RGS22: variants seen among roughly 807,000 people sequenced by gnomAD.
RGS22 encodes the protein regulator of G protein signaling 22.
Under a neutral mutation model 172.9 loss-of-function variants are expected in RGS22, and 148 were observed. That is an observed-to-expected ratio of 0.86 (90% confidence interval 0.75 to 0.98). RGS22 has a LOEUF of 0.98. RGS22 is among the 50% of genes least tolerant of loss of function. The pLI is 0.00. For synonymous variants in RGS22, 458 were observed against 480.2 expected, an observed-to-expected ratio of 0.95 and a Z score of 0.60; for missense variants, 1,347 against 1,440.8, an observed-to-expected ratio of 0.93 and a Z score of 1.05.
chr8:100,052,686 T>C (rs930876647), intron 10 of RGS22, 116 bp downstream of exon 10: 1 of 962,760 alleles, frequency 1.0e-6, no homozygotes, highest in Non-Finnish European at 1.6e-6. Flanking sequence ...TTGCAGCTTG[T>C]ACATTAGCAA....
At chr8:100,036,116 A>T (rs915079870) in intron 14 of RGS22, among the ~76,000 whole-genome samples, 6 of 151,358 alleles carry the variant, frequency 4.0e-5, no homozygotes, top group African/African-American at 1.5e-4. Flanking sequence ...TAACAATTTT[A>T]AAAAAGAAAA....
intron 3 of RGS22, chr8:100,093,160 T>C (rs55967319): frequency 0.017 from 4,220 of 252,856 alleles, 186 homozygotes; most frequent in African/African-American, 0.088. Context: ...CAACACAATG[T>C]CTCAAAAAAA....
intron 21 of RGS22, among the ~76,000 whole-genome samples, chr8:99,985,759 G>C (rs1405452953): frequency 2.0e-5 from 3 of 152,082 alleles, no homozygotes; most frequent in Admixed American, 6.6e-5. Flanking sequence ...CAGCCTTAAA[G>C]GAGAAAGTCA....
chr8:100,098,667 C>G (rs1201767748), intron 2 of RGS22, among the ~76,000 whole-genome samples: 4 of 146,034 alleles, frequency 2.7e-5, no homozygotes, highest in African/African-American at 1.1e-4. Flanking sequence ...ACTTTTCCAT[C>G]GGGTTTCTGT....
intron 10 of RGS22, among the ~76,000 whole-genome samples, chr8:100,051,300 T>C (rs761590274): frequency 2.7e-5 from 4 of 150,274 alleles, no homozygotes; most frequent in Admixed American, 6.8e-5. Flanking sequence ...CAGGAGCTTA[T>C]ACAACTGTGT....
intron 23 of RGS22, among the ~76,000 whole-genome samples, chr8:99,969,649 G>A (rs1221760051): frequency 6.6e-6 from 1 of 152,134 alleles, no homozygotes; most frequent in African/African-American, 2.4e-5. Flanking sequence ...ATTACATAAT[G>A]TTAAAGGGAT....
intron 6 of RGS22, among the ~76,000 whole-genome samples, chr8:100,066,781 T>G (rs1469623529): frequency 6.6e-6 from 1 of 152,178 alleles, no homozygotes; most frequent in African/African-American, 2.4e-5. Context: ...CACTGGAACC[T>G]CTCCAAACTC....
chr8:100,093,122 C>T (rs752210139), intron 3 of RGS22: 14 of 191,488 alleles, frequency 7.3e-5, no homozygotes, highest in Admixed American at 1.2e-4. Context: ...CATGATCATA[C>T]CACTGCATTC....
intron 11 of RGS22, among the ~76,000 whole-genome samples, chr8:100,046,672 G>C (rs540656703): frequency 6.7e-6 from 1 of 150,278 alleles, no homozygotes; most frequent in East Asian, 1.9e-4. Context: ...AGGCATCTGC[G>C]TGTTAACAAT....
chr8:100,072,349 G>A (rs1427988671), intron 4 of RGS22, 119 bp from the exon 5 acceptor site: 1 of 558,892 alleles, frequency 1.8e-6, no homozygotes, highest in Non-Finnish European at 3.1e-6. Context: ...CTACCCCTAG[G>A]TCTTCTATTT....
rs541811227 is a variant in RGS22 at position 99,984,293 on chromosome 8, A to G, written c.3181-2177T>C. Among the ~76,000 whole-genome samples, 22 of 152,332 alleles carry G rather than the reference A, an allele frequency of 1.4e-4. No individual in the cohort carries two copies. The East Asian group carries it at 4.2e-3, about 29-fold the overall frequency. On this transcript the variant is annotated intron_variant, in intron 21 of 27. Transcript: ENST00000360863. ...CAGAGTAAGATGGTGTCTCAAAAAAAGAAAAGAAAAGAAAAAGCCTATTTT... is the reference window on the plus strand; with the variant it reads ...CAGAGTAAGATGGTGTCTCAAAAAAGGAAAAGAAAAGAAAAAGCCTATTTT...
intron 2 of RGS22, among the ~76,000 whole-genome samples, chr8:100,094,958 G>C (rs753383990): frequency 6.6e-6 from 1 of 152,204 alleles, no homozygotes; most frequent in African/African-American, 2.4e-5. Context: ...ATTTGCAGTA[G>C]TGCAGTACAA....
intron 22 of RGS22, 40 bp from the exon 23 acceptor site, chr8:99,978,115 G>A: frequency 8.1e-7 from 1 of 1,235,492 alleles, no homozygotes; most frequent in Non-Finnish European, 1.1e-6. Flanking sequence ...TTTATACAAA[G>A]GTACCAATTT....
chr8:99,967,482 C>T (rs1810870478), intron 23 of RGS22, among the ~76,000 whole-genome samples: 1 of 152,168 alleles, frequency 6.6e-6, no homozygotes. Flanking sequence ...GATCCACTGG[C>T]TTGAAATTCT....
chr8:99,972,186 T>A (rs1355263845), intron 23 of RGS22, among the ~76,000 whole-genome samples: 5 of 152,158 alleles, frequency 3.3e-5, no homozygotes, highest in Non-Finnish European at 7.4e-5. Flanking sequence ...TTGGGAAAAC[T>A]GGCTAGCCAT....
In RGS22 at chr8:100,071,461, A is replaced by G. The variant is rs1178802717; in HGVS notation, c.502T>C (p.Trp168Arg). 1 of 1,613,230 alleles carries G rather than the reference A, an allele frequency of 6.2e-7. No individual in the cohort carries two copies. The highest frequency in any genetic ancestry group is 8.5e-7 in the Non-Finnish European group (1 of 1,179,462). The change falls in exon 6 of 28, where the codon TGG (tryptophan) becomes CGG (arginine). Residue 168 changes from tryptophan (W) to arginine (R), a missense_variant. By Grantham distance (101) the Trp-to-Arg change is moderately radical. Coordinates refer to ENST00000360863, the MANE Select transcript of RGS22 (RefSeq NM_015668.5). The stretch of plus-strand genomic sequence containing the variant: ...AGACTGGGTGGTTTTTTCACGATCC[A>G]GGGAGAAAAATTTGATCCTACTGTG... ...NFTVGSNFSP[W>R]IVKKPPSLPP...
intron 21 of RGS22, among the ~76,000 whole-genome samples, chr8:99,982,632 T>C (rs984538726): frequency 6.6e-6 from 1 of 152,184 alleles, no homozygotes; most frequent in African/African-American, 2.4e-5. Flanking sequence ...AGCTTTCCCG[T>C]CCAGTCCTGC....
In RGS22 at chr8:100,035,433, G is replaced by C. The variant is rs554943082; in HGVS notation, c.2166+3498C>G. 2.0e-5 allele frequency among the ~76,000 whole-genome samples: 3 copies of C among 152,280 alleles called. No individual in the cohort carries two copies. In the East Asian group the frequency reaches 5.8e-4, roughly 29 times the overall value. On this transcript the variant is annotated intron_variant, in intron 14 of 27. Transcript: ENST00000360863. ...ATACCATCTCACGCCAGTTAGAATG[G>C]CGTTCATTAAAAAGCCAGGGGAAAC...
intron 19 of RGS22, among the ~76,000 whole-genome samples, chr8:99,997,550 A>G (rs917371215): frequency 3.3e-5 from 5 of 152,162 alleles, no homozygotes; most frequent in Admixed American, 3.3e-4. Context: ...AGCTCAAATG[A>G]CTAAGGATAT....
Sources: allele counts gnomAD v4.1 joint callset (sites outside exome capture counted in the v4.1 genomes callset), GRCh38; gene constraint gnomAD v4.1.1; transcripts MANE v1.5; gene names NCBI Gene and HGNC (gene_info 2026-07-23, HGNC 2026-07-21).